PPP2R2C: variants seen among roughly 807,000 people sequenced by gnomAD.
PPP2R2C encodes protein phosphatase 2 regulatory subunit Bgamma.
PPP2R2C carries 10 observed loss-of-function variants against 45.3 expected under a neutral mutation model. The ratio of observed to expected loss-of-function variants is 0.22; its 90% CI spans 0.14 to 0.37. The LOEUF (loss-of-function observed/expected upper bound fraction) is 0.37. Among genes scored for constraint, PPP2R2C ranks in the 10% least tolerant of loss-of-function variants. The probability of loss-of-function intolerance (pLI) is 1.00; values close to 1 mark genes in which losing one functional copy is unlikely to be tolerated. For synonymous variants in PPP2R2C, 257 were observed against 245.4 expected (o/e 1.05, Z -0.44); for missense variants, 308 against 619.7 (o/e 0.50, Z 5.34).
rs181240971 is a variant in PPP2R2C at position 6,345,239 on chromosome 4, G to C, written c.790+2607C>G. Among the ~76,000 whole-genome samples, 1 of 152,092 alleles carries C rather than the reference G, an allele frequency of 6.6e-6. No individual in the cohort carries two copies. Among genetic ancestry groups the C allele is most frequent in the East Asian group, 1.9e-4 (1 of 5,200 alleles). On this transcript the variant is annotated intron_variant, in intron 6 of 8. Transcript: ENST00000382599. The surrounding 1 kb of genome is among the most constrained non-coding windows in gnomAD (Gnocchi z 5.3). ...TCCCCAATATTCTCCCATTCCATTC[G>C]GACCCAGACCTGGCTGTACACAGGC...
intron 1 of PPP2R2C, among the ~76,000 whole-genome samples, chr4:6,392,091 G>A (rs1212882248): frequency 6.6e-6 from 1 of 152,206 alleles, no homozygotes; most frequent in African/African-American, 2.4e-5. Flanking sequence ...CAGAGTCTCT[G>A]TCTGGGATGA....
At position 6,328,940 on chromosome 4, in the gene PPP2R2C, C is replaced by T. The variant is rs975653562; in HGVS notation, c.1052+322G>A. On this transcript the variant is annotated intron_variant, in intron 8 of 8. Coordinates refer to ENST00000382599, the MANE Select transcript of PPP2R2C (RefSeq NM_020416.4). The surrounding 1 kb of genome is among the most constrained non-coding windows in gnomAD (Gnocchi z 4.4). ...TGACCGGGTGCTGGGCTATAGCCCTCGCCCCCGACAAGCTGGGAGAGGGGA... is the reference window on the plus strand; with the variant it reads ...TGACCGGGTGCTGGGCTATAGCCCTTGCCCCCGACAAGCTGGGAGAGGGGA... 6.6e-6 allele frequency among the ~76,000 whole-genome samples: 1 copy of T among 152,258 alleles called. No individual in the cohort carries two copies. The highest frequency in any genetic ancestry group is 2.4e-5 in the African/African-American group (1 of 41,556).
intron 1 of PPP2R2C, among the ~76,000 whole-genome samples, chr4:6,556,633 C>T (rs57556816): frequency 0.019 from 2,836 of 152,264 alleles, 90 homozygotes; most frequent in African/African-American, 0.065. Context: ...ACCTCTTCCC[C>T]AGGCCACCTT....
chr4:6,381,864 T>G (rs1275172729), intron 1 of PPP2R2C: 1 of 1,612,520 alleles, frequency 6.2e-7, no homozygotes, highest in African/African-American at 1.3e-5. Context: ...CCCCACTTTT[T>G]GCATGTGGGA....
At position 6,321,260 on chromosome 4, in the gene PPP2R2C, T is replaced by G. The variant is rs536436783; in HGVS notation, c.*2042A>C. The stretch of plus-strand genomic sequence containing the variant: ...TTAACATTTGACTCACAAAGGGAGA[T>G]GGATCGTAGCAAATATCCAAGTAAT... On this transcript the variant is annotated 3_prime_UTR_variant, in exon 9 of 9. Coordinates refer to ENST00000382599, the MANE Select transcript of PPP2R2C (RefSeq NM_020416.4). 6.6e-6 allele frequency: 1 copy of G among 152,540 alleles called. No individual in the cohort carries two copies. Among genetic ancestry groups the G allele is most frequent in the African/African-American group, 2.4e-5 (1 of 41,584 alleles). 9.4% of individuals were successfully genotyped at this position (152,540 alleles called of 1,614,324 possible).
chr4:6,536,119 T>G (rs374663060), intron 1 of PPP2R2C, among the ~76,000 whole-genome samples: 10 of 152,166 alleles, frequency 6.6e-5, no homozygotes, highest in African/African-American at 1.9e-4. Flanking sequence ...GGATGAGGGT[T>G]AGGTAAATTA....
intron 1 of PPP2R2C, among the ~76,000 whole-genome samples, chr4:6,447,931 G>A (rs1359034092): frequency 6.6e-6 from 1 of 152,158 alleles, no homozygotes; most frequent in Non-Finnish European, 1.5e-5. Context: ...CACCCTAAAT[G>A]TGATAGGAAG....
At chr4:6,387,052 G>T (rs1716262128) in intron 1 of PPP2R2C, among the ~76,000 whole-genome samples, 1 of 151,916 alleles carries the variant, frequency 6.6e-6, no homozygotes, top group African/African-American at 2.4e-5. Context: ...CCAGTCTGAA[G>T]AATAGAGAGA....
chr4:6,330,241 GGGCTCTGC>G lies in PPP2R2C; in HGVS notation c.961-896_961-889del, dbSNP rs1363452803. 6.6e-6 allele frequency among the ~76,000 whole-genome samples: 1 copy of G among 152,088 alleles called. No individual in the cohort carries two copies. The highest frequency in any genetic ancestry group is 1.9e-4 in the East Asian group (1 of 5,142). On this transcript the variant is annotated intron_variant, in intron 7 of 8. Transcript: ENST00000382599. This position sits in a 1 kb window ranked among gnomAD's most constrained non-coding sequence, Gnocchi z 7.0. ...TGGAGCTGCCAGGACAACAGGGCAC[GGGCTCTGC>G]CCTCTGGGTGCGGAAGGGAAGGTAA...
intron 7 of PPP2R2C, 25 bp downstream of exon 7, chr4:6,333,537 G>A (rs781701471): frequency 1.2e-6 from 2 of 1,606,768 alleles, no homozygotes; most frequent in African/African-American, 2.7e-5. Context: ...ACCCGGGATT[G>A]GGGGTCTCCT....
chr4:6,438,509 C>A (rs1323185607), intron 1 of PPP2R2C, among the ~76,000 whole-genome samples: 2 of 152,218 alleles, frequency 1.3e-5, no homozygotes, highest in Non-Finnish European at 2.9e-5. Flanking sequence ...CAGCCCCTTC[C>A]ATTAAATGAC....
At chr4:6,346,584 T>C (rs1008508518) in intron 6 of PPP2R2C, among the ~76,000 whole-genome samples, 1 of 152,148 alleles carries the variant, frequency 6.6e-6, no homozygotes, top group Middle Eastern at 3.2e-3. Flanking sequence ...ATGCCAGGAA[T>C]AGGCGCCTAC....
intron 1 of PPP2R2C, among the ~76,000 whole-genome samples, chr4:6,391,083 TG>T (rs1215070864): frequency 6.6e-6 from 1 of 152,026 alleles, no homozygotes; most frequent in Non-Finnish European, 1.5e-5. Context: ...GGAGTATTTT[TG>T]GGGGGTGTCA....
intron 2 of PPP2R2C, among the ~76,000 whole-genome samples, chr4:6,500,209 G>C (rs1015743695): frequency 6.6e-6 from 1 of 152,132 alleles, no homozygotes; most frequent in South Asian, 2.1e-4. Flanking sequence ...GTGTAATGGC[G>C]TGATCTCGGC....
intron 1 of PPP2R2C, among the ~76,000 whole-genome samples, chr4:6,543,949 G>A (rs1724891849): frequency 6.6e-6 from 1 of 152,210 alleles, no homozygotes; most frequent in African/African-American, 2.4e-5. Flanking sequence ...GAGCTGAGCT[G>A]TCAACACAGC....
At chr4:6,454,869 A>T (rs748236579) in intron 1 of PPP2R2C, among the ~76,000 whole-genome samples, 6 of 152,216 alleles carry the variant, frequency 3.9e-5, no homozygotes, top group Non-Finnish European at 5.9e-5. Flanking sequence ...GTCATTACAC[A>T]GGAGCAGTCA....
intron 6 of PPP2R2C, among the ~76,000 whole-genome samples, chr4:6,336,428 G>A (rs961218733): frequency 2.6e-5 from 4 of 152,058 alleles, no homozygotes; most frequent in Non-Finnish European, 5.9e-5. Flanking sequence ...AGCCCCTCGT[G>A]TGGCCTTGAA....
At chr4:6,398,501 G>C (rs1717203860) in intron 1 of PPP2R2C, among the ~76,000 whole-genome samples, 1 of 152,020 alleles carries the variant, frequency 6.6e-6, no homozygotes, top group South Asian at 2.1e-4. Flanking sequence ...ACATGGCAAG[G>C]GGCTTAACAT....
intron 2 of PPP2R2C, among the ~76,000 whole-genome samples, chr4:6,513,044 T>C (rs1723720386): frequency 6.6e-6 from 1 of 152,142 alleles, no homozygotes; most frequent in East Asian, 1.9e-4. Flanking sequence ...TTAATTTTGC[T>C]CTAAGTATAT....
Sources: allele counts gnomAD v4.1 joint callset (sites outside exome capture counted in the v4.1 genomes callset), GRCh38; gene constraint gnomAD v4.1.1; non-coding constraint Gnocchi (gnomAD v3.1); transcripts MANE v1.5; gene names NCBI Gene and HGNC (gene_info 2026-07-23, HGNC 2026-07-21).